Variants in DDX39A observed in about 807,000 individuals in gnomAD.
The protein encoded by DDX39A is ATP-dependent RNA helicase DDX39A.
In DDX39A, 13 loss-of-function variants were observed where a neutral mutation model predicts 46.3. The observed-to-expected ratio is 0.28, with a 90% confidence interval of 0.18 to 0.45. The LOEUF (loss-of-function observed/expected upper bound fraction) is 0.45, where lower values mean the gene tolerates loss of function less well. Among genes scored for constraint, DDX39A ranks in the 20% least tolerant of loss-of-function variants. DDX39A has a pLI of 1.00. For synonymous variants in DDX39A, 234 were observed against 224.6 expected, an observed-to-expected ratio of 1.04 and a Z score of -0.38; for missense variants, 352 against 581.8, an observed-to-expected ratio of 0.61 and a Z score of 4.06.
In DDX39A at chr19:14,413,178, C is replaced by A; in HGVS notation, c.43G>T (p.Glu15Ter). 6.2e-7 allele frequency: 1 copy of A among 1,614,078 alleles called. No individual in the cohort carries two copies. Among genetic ancestry groups the A allele is most frequent in the Non-Finnish European group, 8.5e-7 (1 of 1,179,996 alleles). Residue 15 changes from glutamate to a stop codon, truncating the protein, a stop_gained, in exon 2 of 11, where the codon GAA (glutamate) becomes TAA (stop). Coordinates refer to ENST00000242776, the MANE Select transcript of DDX39A (RefSeq NM_005804.4). LOFTEE classifies it high-confidence loss of function. ...TGAGGAGCCTGGGGCTCTTCCTCTT[C>A]ATCGTAATCCAAAAGATCGTTTTCC... ...DVENDLLDYD[E>*]EEEPQAPQES...
In DDX39A at chr19:14,412,715, G is replaced by A; in HGVS notation, c.209-37C>T. 6.3e-7 allele frequency: 1 copy of A among 1,578,036 alleles called. No individual in the cohort carries two copies. Among genetic ancestry groups the A allele is most frequent in the Non-Finnish European group, 8.6e-7 (1 of 1,166,030 alleles). ...GCAGAGCGTGAGGGACGAGAACCTG[G>A]ATGCACCCCCGTGCAGGATCCTCAC... On this transcript the variant is annotated intron_variant, in intron 2 of 10. Coordinates refer to ENST00000242776, the MANE Select transcript of DDX39A (RefSeq NM_005804.4). This position sits in a 1 kb window ranked among gnomAD's most constrained non-coding sequence, Gnocchi z 4.4.
intron 1 of DDX39A, 34 bp downstream of exon 1, chr19:14,419,236 C>T: frequency 3.7e-6 from 1 of 268,516 alleles, no homozygotes; most frequent in Non-Finnish European, 7.5e-6. Flanking sequence ...GACGTCCCCA[C>T]ACCGCGGCCC....
intron 1 of DDX39A, among the ~76,000 whole-genome samples, chr19:14,417,944 G>A (rs1599301449): frequency 6.6e-6 from 1 of 151,872 alleles, no homozygotes; most frequent in South Asian, 2.1e-4. Flanking sequence ...CGAAGCGGGC[G>A]GATCACTTGA....
rs76920210 is a variant in DDX39A at position 14,418,922 on chromosome 19, G to C, written c.-5+348C>G. 387 of 456,148 alleles carry C rather than the reference G, an allele frequency of 8.5e-4. 6 individuals are homozygous for C. The East Asian group carries it at 0.023, about 27-fold the overall frequency. 28.3% of individuals were successfully genotyped at this position (456,148 alleles called of 1,614,324 possible). A position where few individuals can be genotyped will look rare whatever the true frequency, so the allele number is the denominator to read the frequency against. ...TCTCCCACCCAGGCCCCAGACCCCGGCGTCACCCCCTCGTCCCTCTCCAAA... is the reference window on the plus strand; with the variant it reads ...TCTCCCACCCAGGCCCCAGACCCCGCCGTCACCCCCTCGTCCCTCTCCAAA... On this transcript the variant is annotated intron_variant, in intron 1 of 10. Coordinates refer to ENST00000242776, the MANE Select transcript of DDX39A (RefSeq NM_005804.4).
In DDX39A at chr19:14,409,304, C is replaced by T. The variant is rs1976451405; in HGVS notation, c.1118G>A (p.Arg373Gln). ...CAACATGCCCGTGAGGCTGCTCACC[C>T]GGTGCAGGTAGGTGTCCGAGTCCTC... ...MPEDSDTYLH[R>Q]VARAGRFGTK... Residue 373 changes from arginine (R) to glutamine (Q), a missense_variant and splice_region_variant, in exon 9 of 11, where the codon CGG (arginine) becomes CAG (glutamine). Physicochemically the swap from Arg to Gln is conservative, Grantham distance 43. This residue lies in a region of DDX39A where 301 missense variants were observed against 469.9 expected (regional missense o/e 0.64). Coordinates refer to ENST00000242776, the MANE Select transcript of DDX39A (RefSeq NM_005804.4). The surrounding 1 kb of genome is among the most constrained non-coding windows in gnomAD (Gnocchi z 8.3). 5 of 1,614,086 alleles carry T rather than the reference C, an allele frequency of 3.1e-6. No homozygotes were observed. Among genetic ancestry groups the T allele is most frequent in the African/African-American group, 1.3e-5 (1 of 74,938 alleles).
In DDX39A at chr19:14,408,863, A is replaced by G. The variant is rs1323554709; in HGVS notation, c.*73T>C. On this transcript the variant is annotated 3_prime_UTR_variant, in exon 11 of 11. Coordinates refer to ENST00000242776, the MANE Select transcript of DDX39A (RefSeq NM_005804.4). ...TTCTCATACAATCTCTAGCTTCTCA[A>G]CAGTGGCGCCTGGAAAGGGGAGGTG... is the stretch of plus-strand genomic sequence containing the variant. 43 of 1,522,500 alleles carry G rather than the reference A, an allele frequency of 2.8e-5. No homozygotes were observed. Among genetic ancestry groups the G allele is most frequent in the Non-Finnish European group, 3.3e-5 (38 of 1,134,406 alleles). The allele number at this position is 1,522,500 out of a possible 1,614,324, so 94.3% of individuals were successfully genotyped here. A position where few individuals can be genotyped will look rare whatever the true frequency, so the allele number is the denominator to read the frequency against.
At chr19:14,415,760 A>G (rs767237476) in intron 1 of DDX39A, among the ~76,000 whole-genome samples, 28 of 151,804 alleles carry the variant, frequency 1.8e-4, no homozygotes, top group Non-Finnish European at 3.4e-4. Context: ...TCCCCAGAGC[A>G]GCCAGAAAGA....
At chr19:14,414,300 C>G (rs529032867) in intron 1 of DDX39A, among the ~76,000 whole-genome samples, 50 of 151,576 alleles carry the variant, frequency 3.3e-4, no homozygotes, top group African/African-American at 1.1e-3. Context: ...TGCTACCATG[C>G]TGGCCCCAAG....
chr19:14,414,511 C>T (rs1400923896), intron 1 of DDX39A, among the ~76,000 whole-genome samples: 1 of 149,864 alleles, frequency 6.7e-6, no homozygotes, highest in Non-Finnish European at 1.5e-5. Flanking sequence ...CCACCATGCC[C>T]AGCTAATTTT....
intron 1 of DDX39A, among the ~76,000 whole-genome samples, chr19:14,413,741 C>T (rs1001569122): frequency 2.0e-5 from 3 of 152,220 alleles, no homozygotes; most frequent in African/African-American, 7.2e-5. Context: ...CCCAAGGAAC[C>T]CACTGGGCTT....
chr19:14,412,395 C>G lies in DDX39A; in HGVS notation c.336+156G>C. 1.0e-6 allele frequency: 1 copy of G among 965,292 alleles called. No individual in the cohort carries two copies. The highest frequency in any genetic ancestry group is 1.5e-6 in the Non-Finnish European group (1 of 655,766). The allele number at this position is 965,292 out of a possible 1,614,324, so 59.8% of individuals were successfully genotyped here. ...CCAGGCTGGAGTGCAGTGGTGTGATCATAGCACACTGCAGCCTCGACTTCC... is the reference window on the plus strand; with the variant it reads ...CCAGGCTGGAGTGCAGTGGTGTGATGATAGCACACTGCAGCCTCGACTTCC... On this transcript the variant is annotated intron_variant, in intron 3 of 10. Coordinates refer to ENST00000242776, the MANE Select transcript of DDX39A (RefSeq NM_005804.4). The surrounding 1 kb of genome is among the most constrained non-coding windows in gnomAD (Gnocchi z 4.4).
chr19:14,411,268 C>T lies in DDX39A; in HGVS notation c.430-96G>A, dbSNP rs554529850. 9 of 1,404,318 alleles carry T rather than the reference C, an allele frequency of 6.4e-6. No homozygotes were observed. The East Asian group carries it at 1.8e-4, about 29-fold the overall frequency. The allele number at this position is 1,404,318 out of a possible 1,614,324, so 87.0% of individuals were successfully genotyped here. A position where few individuals can be genotyped will look rare whatever the true frequency, so the allele number is the denominator to read the frequency against. ...CCTGCGAACAGGAGGCCTCAGGGGA[C>T]CAAGGCAGGCCTGAGAGCCTCCCGG... On this transcript the variant is annotated intron_variant, in intron 4 of 10. Coordinates refer to ENST00000242776, the MANE Select transcript of DDX39A (RefSeq NM_005804.4). This position sits in a 1 kb window ranked among gnomAD's most constrained non-coding sequence, Gnocchi z 4.1.
At position 14,410,910 on chromosome 19, in the gene DDX39A, C is replaced by A; in HGVS notation, c.613+79G>T. 1 of 1,357,434 alleles carries A rather than the reference C, an allele frequency of 7.4e-7. No individual in the cohort carries two copies. The highest frequency in any genetic ancestry group is 9.8e-7 in the Non-Finnish European group (1 of 1,019,534). 84.1% of individuals were successfully genotyped at this position (1,357,434 alleles called of 1,614,324 possible). The stretch of plus-strand genomic sequence containing the variant: ...CCGCCTGCCGGCCGCCCATGTAACC[C>A]ACTCAAGAGCCTTCCGCCTGCTATG... On this transcript the variant is annotated intron_variant, in intron 5 of 10. Transcript: ENST00000242776. This position sits in a 1 kb window ranked among gnomAD's most constrained non-coding sequence, Gnocchi z 4.3.
At position 14,409,518 on chromosome 19, in the gene DDX39A, C is replaced by G. The variant is rs746421482; in HGVS notation, c.974+18G>C. ...CTGGTGGTGCTCCCTGCAGCCTTGG[C>G]GGGCGGCTCGCACTCACCGCTCCTC... On this transcript the variant is annotated intron_variant, in intron 8 of 10. Transcript: ENST00000242776. The surrounding 1 kb of genome is among the most constrained non-coding windows in gnomAD (Gnocchi z 8.3). 6.2e-7 allele frequency: 1 copy of G among 1,608,368 alleles called. No individual in the cohort carries two copies. Among genetic ancestry groups the G allele is most frequent in the Non-Finnish European group, 8.5e-7 (1 of 1,178,200 alleles).
In DDX39A at chr19:14,413,149, C is replaced by T; in HGVS notation, c.72G>A (p.Glu24=). 1 of 1,614,110 alleles carries T rather than the reference C, an allele frequency of 6.2e-7. No homozygotes were observed. The highest frequency in any genetic ancestry group is 8.5e-7 in the Non-Finnish European group (1 of 1,180,006). The change falls in exon 2 of 11, where the codon GAG becomes GAA. Residue 24 remains glutamate, a synonymous_variant. Coordinates refer to ENST00000242776, the MANE Select transcript of DDX39A (RefSeq NM_005804.4). ...DEEEEPQAPQ[E]STPAPPKKDI... ...CTTTCTTAGGGGGAGCTGGTGTGCT[C>T]TCTTGAGGAGCCTGGGGCTCTTCCT...
chr19:14,413,279 T>C, intron 1 of DDX39A, 55 bp from the exon 2 acceptor site: 2 of 1,496,790 alleles, frequency 1.3e-6, no homozygotes, highest in Non-Finnish European at 1.8e-6. Context: ...ATGATGAAGC[T>C]TCATTCAAAT....
chr19:14,418,178 G>C (rs904959130), intron 1 of DDX39A, among the ~76,000 whole-genome samples: 7 of 143,250 alleles, frequency 4.9e-5, no homozygotes, highest in Non-Finnish European at 9.1e-5. Context: ...GGGGTGAACC[G>C]AATCTGCTAA....
chr19:14,413,050 C>T lies in DDX39A; in HGVS notation c.171G>A (p.Arg57=), dbSNP rs564070128. 1.2e-6 allele frequency: 2 copies of T among 1,614,192 alleles called. No individual in the cohort carries two copies. The highest frequency in any genetic ancestry group is 1.1e-5 in the South Asian group (1 of 91,090). The part of the protein sequence containing the change: ...RDFLLKPELL[R]AIVDCGFEHP... ...GCTCAAAGCCACAGTCCACGATGGC[C>T]CGCAGGAGCTCCGGCTTCAGCAGAA... The change falls in exon 2 of 11, where the codon CGG becomes CGA. Residue 57 remains arginine (R), a synonymous_variant. Coordinates refer to ENST00000242776, the MANE Select transcript of DDX39A (RefSeq NM_005804.4).
Position 14,409,494 on chromosome 19 carries a change from T to C in DDX39A, c.974+42A>G, listed in dbSNP as rs771241139. 1.9e-6 allele frequency: 3 copies of C among 1,611,650 alleles called. No individual in the cohort carries two copies. In the South Asian group the frequency reaches 3.3e-5, roughly 18 times the overall value. ...TGGAGGCCGTCAGACACTGGGCTCC[T>C]GGTGGTGCTCCCTGCAGCCTTGGCG... On this transcript the variant is annotated intron_variant, in intron 8 of 10. Transcript: ENST00000242776. This position sits in a 1 kb window ranked among gnomAD's most constrained non-coding sequence, Gnocchi z 8.3.
Sources: allele counts gnomAD v4.1 joint callset (sites outside exome capture counted in the v4.1 genomes callset), GRCh38; gene constraint gnomAD v4.1.1; regional missense constraint gnomAD v4.1.1; non-coding constraint Gnocchi (gnomAD v3.1); transcripts MANE v1.5; gene names NCBI Gene and HGNC (gene_info 2026-07-23, HGNC 2026-07-21).